The following NR2F6 variants were observed in gnomAD, a reference collection of about 807,000 sequenced individuals.
NR2F6 encodes nuclear receptor subfamily 2 group F member 6.
Under a neutral mutation model 26.5 loss-of-function variants are expected in NR2F6, and 16 were observed. The observed-to-expected ratio is 0.60, with a 90% CI of 0.41 to 0.92. The LOEUF (loss-of-function observed/expected upper bound fraction) is 0.92. Ranked by LOEUF, NR2F6 falls within the 40% of genes least tolerant of loss-of-function variation. NR2F6 has a pLI of 0.00. For synonymous variants in NR2F6, 325 were observed against 305.0 expected, an observed-to-expected ratio of 1.07 and a Z score of -0.68; for missense variants, 536 against 631.7, an observed-to-expected ratio of 0.85 and a Z score of 1.62.
At position 17,245,109 on chromosome 19, in the gene NR2F6, C is replaced by A. The variant is rs1405424007; in HGVS notation, c.112G>T (p.Ala38Ser). The A allele has an allele frequency of 1.3e-6, 2 of 1,549,424 alleles. No homozygotes were observed. Among genetic ancestry groups the A allele is most frequent in the Non-Finnish European group, 1.7e-6 (2 of 1,149,912 alleles). Residue 38 changes from alanine (A) to serine (S), a missense_variant, in exon 1 of 4, where the codon GCC becomes TCC. Transcript: ENST00000291442. The surrounding 1 kb of genome is among the most constrained non-coding windows in gnomAD (Gnocchi z 5.0). ...TCGCCCGGCTCGGCGTCGCTGGCGG[C>A]ACCGGGGGGCGAGGCCGAGTCGTCC... is the stretch of plus-strand genomic sequence containing the variant. The part of the protein sequence containing the change: ...AEDDSASPPG[A>S]ASDAEPGDEE...
Position 17,235,394 on chromosome 19 carries a change from G to T in NR2F6, c.940+105C>A. 1 of 1,493,906 alleles carries T rather than the reference G, an allele frequency of 6.7e-7. No individual in the cohort carries two copies. Among genetic ancestry groups the T allele is most frequent in the Non-Finnish European group, 8.9e-7 (1 of 1,127,882 alleles). 92.5% of individuals were successfully genotyped at this position (1,493,906 alleles called of 1,614,324 possible). A position where few individuals can be genotyped will look rare whatever the true frequency, so the allele number is the denominator to read the frequency against. ...GCGCGTGCAGGGCCCCAGGCCTAGGGAGCGAGCGGGGCGCTATGGGGGCCG... is the reference window on the plus strand; with the variant it reads ...GCGCGTGCAGGGCCCCAGGCCTAGGTAGCGAGCGGGGCGCTATGGGGGCCG... On this transcript the variant is annotated intron_variant, in intron 3 of 3. Coordinates refer to ENST00000291442, the MANE Select transcript of NR2F6 (RefSeq NM_005234.4). This position sits in a 1 kb window ranked among gnomAD's most constrained non-coding sequence, Gnocchi z 5.0.
chr19:17,239,648 A>C (rs2883273), intron 2 of NR2F6, among the ~76,000 whole-genome samples: 148,087 of 150,588 alleles, frequency 0.98, 72,837 homozygotes, highest in East Asian at 1. Flanking sequence ...AGCAAGACTC[A>C]GTCTCAGAAA....
In NR2F6 at chr19:17,235,999, G is replaced by A. The variant is rs1161783594; in HGVS notation, c.440C>T (p.Pro147Leu). Residue 147 changes from proline (P) to leucine (L), a missense_variant, in exon 3 of 4, where the codon CCG (proline) becomes CTG (leucine). Pro to Leu is a moderately conservative substitution (Grantham distance 98). Coordinates refer to ENST00000291442, the MANE Select transcript of NR2F6 (RefSeq NM_005234.4). The surrounding 1 kb of genome is among the most constrained non-coding windows in gnomAD (Gnocchi z 5.0). ...CGCCACTGCCGCCAGCGCCGAGCCC[G>A]GGGGGCTGCCCGAGGAGGCGGCCAC... is the stretch of plus-strand genomic sequence containing the variant. ...GAVAASSGSP[P>L]GSALAAVASG... is the part of the protein sequence containing the mutation. The A allele has an allele frequency of 1.4e-6, 2 of 1,434,038 alleles. No homozygotes were observed. The highest frequency in any genetic ancestry group is 2.7e-5 in the Admixed American group (1 of 37,492). 88.8% of individuals were successfully genotyped at this position (1,434,038 alleles called of 1,614,324 possible).
Position 17,245,515 on chromosome 19 carries a change from C to T in NR2F6, c.-295G>A, listed in dbSNP as rs1263534250. 1 of 152,828 alleles carries T rather than the reference C, an allele frequency of 6.5e-6. No individual in the cohort carries two copies. The highest frequency in any genetic ancestry group is 1.4e-5 in the Non-Finnish European group (1 of 69,926). 9.5% of individuals were successfully genotyped at this position (152,828 alleles called of 1,614,324 possible). A position where few individuals can be genotyped will look rare whatever the true frequency, so the allele number is the denominator to read the frequency against. ...CCCAGAGGACTCGCGTCCCGCCGCC[C>T]TGGGGCCCCGGCGGGGGCGCGCGGG... On this transcript the variant is annotated 5_prime_UTR_variant, in exon 1 of 4. Coordinates refer to ENST00000291442, the MANE Select transcript of NR2F6 (RefSeq NM_005234.4). This position sits in a 1 kb window ranked among gnomAD's most constrained non-coding sequence, Gnocchi z 5.0.
In NR2F6 at chr19:17,245,743, C is replaced by CCGGCG. The variant is rs1401374950; in HGVS notation, c.-528_-524dup. ...CTGATCGCCGCGCCCCCTGGGTCCCCCGGCGCCCGCGGCTGCCGCTCCGGG... is the reference window on the plus strand; with the variant it reads ...CTGATCGCCGCGCCCCCTGGGTCCCCCGGCGCGGCGCCCGCGGCTGCCGCTCCGGG... On this transcript the variant is annotated 5_prime_UTR_variant, in exon 1 of 4. Transcript: ENST00000291442. This position sits in a 1 kb window ranked among gnomAD's most constrained non-coding sequence, Gnocchi z 5.0. 1 of 145,564 alleles carries CCGGCG rather than the reference C, an allele frequency of 6.9e-6. No homozygotes were observed. Among genetic ancestry groups the CCGGCG allele is most frequent in the Non-Finnish European group, 1.5e-5 (1 of 65,494 alleles). The allele number at this position is 145,564 out of a possible 1,614,324, so 9.0% of individuals were successfully genotyped here.
chr19:17,245,324 C>T lies in NR2F6; in HGVS notation c.-104G>A. On this transcript the variant is annotated 5_prime_UTR_variant, in exon 1 of 4. Coordinates refer to ENST00000291442, the MANE Select transcript of NR2F6 (RefSeq NM_005234.4). The surrounding 1 kb of genome is among the most constrained non-coding windows in gnomAD (Gnocchi z 5.0). ...GCGGCGCGCATTCGGCCCCGGCGCG[C>T]GGGGGGCACGGGCTGCACCCCCCAA... 3 of 1,004,698 alleles carry T rather than the reference C, an allele frequency of 3.0e-6. No individual in the cohort carries two copies. Among genetic ancestry groups the T allele is most frequent in the African/African-American group, 1.7e-5 (1 of 58,604 alleles). 62.2% of individuals were successfully genotyped at this position (1,004,698 alleles called of 1,614,324 possible).
rs2073435733 is a variant in NR2F6, at chr19:17,236,050, C to T, written c.389G>A (p.Arg130His). The stretch of plus-strand genomic sequence containing the variant: ...GGCACCAGGCAGCGAGTGCGGGATG[C>T]GGCCGCGCTGCACCGCTGCGGGAGG... The part of the protein sequence containing the change: ...GMRKEAVQRG[R>H]IPHSLPGAVA... The change falls in exon 3 of 4, where the codon CGC (arginine) becomes CAC (histidine). Residue 130 changes from arginine (R) to histidine (H), a missense_variant. Physicochemically the swap from Arg to His is conservative, Grantham distance 29 (BLOSUM62 0). Coordinates refer to ENST00000291442, the MANE Select transcript of NR2F6 (RefSeq NM_005234.4). 4.1e-6 allele frequency: 5 copies of T among 1,222,994 alleles called. No individual in the cohort carries two copies. Among genetic ancestry groups the T allele is most frequent in the South Asian group, 2.0e-5 (1 of 49,568 alleles). 75.8% of individuals were successfully genotyped at this position (1,222,994 alleles called of 1,614,324 possible). A position where few individuals can be genotyped will look rare whatever the true frequency, so the allele number is the denominator to read the frequency against.
At chr19:17,233,292 G>A (rs929523974) in intron 3 of NR2F6, among the ~76,000 whole-genome samples, 6 of 148,246 alleles carry the variant, frequency 4.0e-5, no homozygotes, top group East Asian at 2.1e-4. Flanking sequence ...CTGGGCGACA[G>A]AGTAATAAGA....
rs763452402 is a variant in NR2F6, at chr19:17,232,367, G to A, written c.1200C>T (p.Tyr400=). ...LLSGSTFNWP[Y]GSGQ The stretch of plus-strand genomic sequence containing the variant: ...CCCGTCATGGTCACTGGCCCGAGCC[G>A]TAGGGCCAGTTGAAGGTACTCCCCG... The change falls in exon 4 of 4, where the codon TAC becomes TAT. Residue 400 remains tyrosine (Y), a synonymous_variant. Transcript: ENST00000291442. 40 of 1,613,794 alleles carry A rather than the reference G, an allele frequency of 2.5e-5. No individual in the cohort carries two copies. The East Asian group carries it at 2.7e-4, about 11-fold the overall frequency.
chr19:17,232,346 T>G lies in NR2F6; in HGVS notation c.*6A>C. On this transcript the variant is annotated 3_prime_UTR_variant, in exon 4 of 4. Coordinates refer to ENST00000291442, the MANE Select transcript of NR2F6 (RefSeq NM_005234.4). The stretch of plus-strand genomic sequence containing the variant: ...CCTGGCCACAGCACACGTGGCCCCG[T>G]CATGGTCACTGGCCCGAGCCGTAGG... 6.2e-7 allele frequency: 1 copy of G among 1,613,694 alleles called. No individual in the cohort carries two copies. The highest frequency in any genetic ancestry group is 8.5e-7 in the Non-Finnish European group (1 of 1,179,994).
chr19:17,237,784 C>A (rs941135720), intron 2 of NR2F6, among the ~76,000 whole-genome samples: 9 of 152,278 alleles, frequency 5.9e-5, no homozygotes, highest in African/African-American at 2.2e-4. Context: ...AGGTTCAAAT[C>A]CCAATCACAA....
At chr19:17,234,383 T>C (rs1293800203) in intron 3 of NR2F6, among the ~76,000 whole-genome samples, 1 of 152,148 alleles carries the variant, frequency 6.6e-6, no homozygotes, top group African/African-American at 2.4e-5. Context: ...CTCCCAACTC[T>C]GCTTCCTAAA....
At position 17,232,211 on chromosome 19, in the gene NR2F6, A is replaced by G; in HGVS notation, c.*141T>C. The G allele has an allele frequency of 8.5e-7, 1 of 1,170,070 alleles. No homozygotes were observed. The allele number at this position is 1,170,070 out of a possible 1,614,324, so 72.5% of individuals were successfully genotyped here. ...CATTTAAAAAACAGAAAAGACAAAC[A>G]TTTCACAGTCTTTAAAAAATAGAAG... is the stretch of plus-strand genomic sequence containing the variant. On this transcript the variant is annotated 3_prime_UTR_variant, in exon 4 of 4. Coordinates refer to ENST00000291442, the MANE Select transcript of NR2F6 (RefSeq NM_005234.4).
chr19:17,245,158 C>T lies in NR2F6; in HGVS notation c.63G>A (p.Ala21=). The T allele has an allele frequency of 1.4e-6, 2 of 1,431,226 alleles. No individual in the cohort carries two copies. The highest frequency in any genetic ancestry group is 1.5e-5 in the African/African-American group (1 of 66,080). The allele number at this position is 1,431,226 out of a possible 1,614,324, so 88.7% of individuals were successfully genotyped here. Reference sequence around the variant, plus strand: ...CCTCGGCCGCGCGCGGGTAGCCGCCCGCCTTGTCCACGCCGTTCGTGTCGC... The same window carrying T: ...CCTCGGCCGCGCGCGGGTAGCCGCCTGCCTTGTCCACGCCGTTCGTGTCGC... The part of the protein sequence containing the change: ...PGGDTNGVDK[A]GGYPRAAEDD... Residue 21 remains alanine (A), a synonymous_variant, in exon 1 of 4, where the codon GCG becomes GCA. Transcript: ENST00000291442. The surrounding 1 kb of genome is among the most constrained non-coding windows in gnomAD (Gnocchi z 5.0).
chr19:17,244,174 C>G (rs1285668722), intron 1 of NR2F6: 1 of 152,350 alleles, frequency 6.6e-6, no homozygotes, highest in Non-Finnish European at 1.5e-5. Context: ...ACTCCCTGCC[C>G]GTCTCAGAGA....
In NR2F6 at chr19:17,234,350, C is replaced by G. The variant is rs148508499; in HGVS notation, c.940+1149G>C. Among the ~76,000 whole-genome samples, 1,329 of 152,234 alleles carry G rather than the reference C, an allele frequency of 8.7e-3. 18 individuals are homozygous for G. Among genetic ancestry groups the G allele is most frequent in the African/African-American group, 0.03 (1,253 of 41,530 alleles). Reference sequence around the variant, plus strand: ...GGAAAATCAGAGCTCACTGGAGCCTCGAACTCCTGGGCTCAAGTGGTTCTC... The same window carrying G: ...GGAAAATCAGAGCTCACTGGAGCCTGGAACTCCTGGGCTCAAGTGGTTCTC... On this transcript the variant is annotated intron_variant, in intron 3 of 3. Coordinates refer to ENST00000291442, the MANE Select transcript of NR2F6 (RefSeq NM_005234.4).
At chr19:17,242,272 C>G (rs1353432963) in intron 1 of NR2F6, among the ~76,000 whole-genome samples, 3 of 152,166 alleles carry the variant, frequency 2.0e-5, no homozygotes, top group Admixed American at 6.5e-5. Context: ...GAGTTGAGAT[C>G]ACGCCATCGC....
chr19:17,234,557 G>A (rs2073425308), intron 3 of NR2F6, among the ~76,000 whole-genome samples: 1 of 152,152 alleles, frequency 6.6e-6, no homozygotes, highest in Non-Finnish European at 1.5e-5. Context: ...AGACAGGCTG[G>A]AGAGATCTTT....
chr19:17,235,419 G>T lies in NR2F6; in HGVS notation c.940+80C>A, dbSNP rs1051282958. 2.0e-6 allele frequency: 3 copies of T among 1,514,236 alleles called. No homozygotes were observed. Among genetic ancestry groups the T allele is most frequent in the African/African-American group, 2.8e-5 (2 of 70,982 alleles). 93.8% of individuals were successfully genotyped at this position (1,514,236 alleles called of 1,614,324 possible). A position where few individuals can be genotyped will look rare whatever the true frequency, so the allele number is the denominator to read the frequency against. ...GAGCGAGCGGGGCGCTATGGGGGCCGGAGTCTGGGTCCAGGCCGCCCTCCT... is the reference window on the plus strand; with the variant it reads ...GAGCGAGCGGGGCGCTATGGGGGCCTGAGTCTGGGTCCAGGCCGCCCTCCT... On this transcript the variant is annotated intron_variant, in intron 3 of 3. Transcript: ENST00000291442. This position sits in a 1 kb window ranked among gnomAD's most constrained non-coding sequence, Gnocchi z 5.0.
Sources: allele counts gnomAD v4.1 joint callset (sites outside exome capture counted in the v4.1 genomes callset), GRCh38; gene constraint gnomAD v4.1.1; non-coding constraint Gnocchi (gnomAD v3.1); transcripts MANE v1.5; gene names NCBI Gene and HGNC (gene_info 2026-07-23, HGNC 2026-07-21).